Variants in NRXN3 observed in about 807,000 individuals in gnomAD.
NRXN3 encodes neurexin III.
In NRXN3, 32 loss-of-function variants were observed where a neutral mutation model predicts 137.6. The ratio of observed to expected loss-of-function variants is 0.23; its 90% CI spans 0.18 to 0.31. NRXN3 has a LOEUF of 0.31. Among genes scored for constraint, NRXN3 ranks in the 10% least tolerant of loss-of-function variants. The pLI is 1.00. For synonymous variants in NRXN3, 798 were observed against 784.5 expected, an observed-to-expected ratio of 1.02 and a Z score of -0.29; for missense variants, 1,574 against 2,062.5, an observed-to-expected ratio of 0.76 and a Z score of 4.59.
chr14:78,219,157 G>GA (rs1256960607), intron 1 of NRXN3, among the ~76,000 whole-genome samples: 2 of 113,132 alleles, frequency 1.8e-5, no homozygotes, highest in Non-Finnish European at 3.8e-5. Context: ...GTTTTGGTGG[G>GA]AGGGGGGATG....
intron 8 of NRXN3, among the ~76,000 whole-genome samples, chr14:78,764,125 A>C (rs548034808): frequency 2.0e-5 from 3 of 152,336 alleles, no homozygotes; most frequent in South Asian, 4.1e-4. Context: ...AACATGATCT[A>C]AGTGTTCCTA....
chr14:79,599,196 A>G lies in NRXN3; in HGVS notation c.3445-64582A>G, dbSNP rs560222741. Among the ~76,000 whole-genome samples, 6 of 152,284 alleles carry G rather than the reference A, an allele frequency of 3.9e-5. No individual in the cohort carries two copies. In the East Asian group the frequency reaches 5.8e-4, roughly 15 times the overall value. On this transcript the variant is annotated intron_variant, in intron 16 of 20. Transcript: ENST00000335750. The stretch of plus-strand genomic sequence containing the variant: ...AAAGACTCCTAACAATGGAGCCACA[A>G]TCATAACTACAGGTCCCCTTTATAT...
intron 15 of NRXN3, among the ~76,000 whole-genome samples, chr14:79,375,402 T>C (rs1027286290): frequency 6.7e-6 from 1 of 149,290 alleles, no homozygotes; most frequent in African/African-American, 2.5e-5. Context: ...AAATAAGGAA[T>C]GGATCGTACA....
At chr14:79,234,293 AATATATATATATATAT>A (rs71131687) in intron 15 of NRXN3, among the ~76,000 whole-genome samples, 2,880 of 56,182 alleles carry the variant, frequency 0.051, 124 homozygotes, top group Non-Finnish European at 0.057. Context: ...TTCAATGGTA[AATATATATATATATAT>A]ATATATATAT....
chr14:79,851,177 C>G (rs1412116026), intron 20 of NRXN3, among the ~76,000 whole-genome samples: 1 of 152,148 alleles, frequency 6.6e-6, no homozygotes, highest in Non-Finnish European at 1.5e-5. Flanking sequence ...CTTTAAGTCT[C>G]ACACTTAGAC....
intron 16 of NRXN3, among the ~76,000 whole-genome samples, chr14:79,648,563 G>GTAAC (rs1449996742): frequency 7.4e-6 from 1 of 135,300 alleles, no homozygotes; most frequent in East Asian, 2.0e-4. Flanking sequence ...CAGCTAATAA[G>GTAAC]TAACTACTGG....
rs567572868 is a variant in NRXN3 at position 79,448,608 on chromosome 14, A to G, written c.3263-18613A>G. 2.6e-5 allele frequency among the ~76,000 whole-genome samples: 4 copies of G among 152,340 alleles called. No individual in the cohort carries two copies. In the East Asian group the frequency reaches 7.7e-4, roughly 29 times the overall value. Reference sequence around the variant, plus strand: ...GAATAAGACTTTTTAGTACATATTTAACAGTGTGTGTAGCCATCCATACAG... The same window carrying G: ...GAATAAGACTTTTTAGTACATATTTGACAGTGTGTGTAGCCATCCATACAG... On this transcript the variant is annotated intron_variant, in intron 15 of 20. Transcript: ENST00000335750.
chr14:78,445,859 C>T (rs767815096), intron 4 of NRXN3, among the ~76,000 whole-genome samples: 3 of 152,310 alleles, frequency 2.0e-5, no homozygotes, highest in Admixed American at 6.5e-5. Context: ...TGAGTCAGTG[C>T]TTGCAGAGAT....
intron 4 of NRXN3, among the ~76,000 whole-genome samples, chr14:78,524,375 T>C (rs2096342501): frequency 6.6e-6 from 1 of 152,238 alleles, no homozygotes; most frequent in African/African-American, 2.4e-5. Context: ...AGCATGTGTA[T>C]GTCTATTAAC....
intron 15 of NRXN3, among the ~76,000 whole-genome samples, chr14:79,331,841 TGTGTG>T (rs2091722694): frequency 4.6e-5 from 1 of 21,914 alleles, no homozygotes. Context: ...AGGCTTTTGC[TGTGTG>T]TGTGTGTGTG....
At chr14:79,033,163 A>T (rs373334783) in intron 15 of NRXN3, among the ~76,000 whole-genome samples, 2 of 152,046 alleles carry the variant, frequency 1.3e-5, no homozygotes, top group African/African-American at 4.8e-5. Flanking sequence ...TCCTCCAGGA[A>T]TCATCTTCTA....
intron 6 of NRXN3, among the ~76,000 whole-genome samples, chr14:78,670,165 C>A (rs1206975993): frequency 1.3e-5 from 2 of 152,110 alleles, no homozygotes; most frequent in Non-Finnish European, 2.9e-5. Flanking sequence ...CCAGCTTCAG[C>A]CATGTCCCTG....
intron 16 of NRXN3, among the ~76,000 whole-genome samples, chr14:79,502,292 T>C (rs181955415): frequency 0.01 from 1,549 of 152,294 alleles, 26 homozygotes; most frequent in African/African-American, 0.035. Context: ...AGCAGTATCA[T>C]GCATGCTGTC....
At chr14:79,212,449 G>A (rs1216130217) in intron 15 of NRXN3, among the ~76,000 whole-genome samples, 1 of 152,156 alleles carries the variant, frequency 6.6e-6, no homozygotes, top group Non-Finnish European at 1.5e-5. Context: ...GGACAGGAAA[G>A]ATGGATGAAG....
At chr14:79,782,126 GT>G (rs926716562) in intron 19 of NRXN3, among the ~76,000 whole-genome samples, 13 of 152,266 alleles carry the variant, frequency 8.5e-5, no homozygotes, top group African/African-American at 2.9e-4. Flanking sequence ...AGTATTAAGT[GT>G]GTTTTTATTT....
intron 15 of NRXN3, among the ~76,000 whole-genome samples, chr14:79,365,301 G>T (rs911281726): frequency 4.6e-5 from 7 of 152,064 alleles, no homozygotes; most frequent in Admixed American, 2.0e-4. Flanking sequence ...TTTCTACTTG[G>T]TCCAGCTGCC....
intron 15 of NRXN3, among the ~76,000 whole-genome samples, chr14:79,398,061 C>T (rs1472585722): frequency 1.3e-5 from 2 of 152,304 alleles, no homozygotes; most frequent in East Asian, 1.9e-4. Flanking sequence ...CATCAGCTTC[C>T]ATCAGGGTTC....
At position 79,458,199 on chromosome 14, in the gene NRXN3, G is replaced by A. The variant is rs74068675; in HGVS notation, c.3263-9022G>A. On this transcript the variant is annotated intron_variant, in intron 15 of 20. Transcript: ENST00000335750. Reference sequence around the variant, plus strand: ...TTTGCAATGTGATTTAGAAATGGAGGAGTAACATAAAACAATTTGACTAAA... The same window carrying A: ...TTTGCAATGTGATTTAGAAATGGAGAAGTAACATAAAACAATTTGACTAAA... Among the ~76,000 whole-genome samples the A allele has an allele frequency of 0.015, 2,341 of 152,176 alleles. 105 individuals are homozygous for A. In the East Asian group the frequency reaches 0.17, roughly 11 times the overall value.
chr14:78,171,397 G>T (rs942244133), intron 1 of NRXN3, among the ~76,000 whole-genome samples: 18 of 151,802 alleles, frequency 1.2e-4, no homozygotes, highest in African/African-American at 4.1e-4. Context: ...GGTTACAAGG[G>T]AATCTTCCTC....
Sources: allele counts gnomAD v4.1 joint callset (sites outside exome capture counted in the v4.1 genomes callset), GRCh38; gene constraint gnomAD v4.1.1; transcripts MANE v1.5; gene names NCBI Gene and HGNC (gene_info 2026-07-23, HGNC 2026-07-21).